Variants in KRTAP2-1 observed in about 807,000 individuals in gnomAD.
KRTAP2-1 encodes keratin associated protein 2-1.
A neutral mutation model predicts 11.6 loss-of-function variants in KRTAP2-1; 5 were observed. The ratio of observed to expected loss-of-function variants is 0.43; its 90% CI spans 0.22 to 0.90. The LOEUF is 0.90. Among genes scored for constraint, KRTAP2-1 ranks in the 40% least tolerant of loss-of-function variants. KRTAP2-1 has a pLI of 0.26. For missense variants in KRTAP2-1, 40 were observed against 191.3 expected (o/e 0.21, Z 4.67); for synonymous variants, 19 against 81.9 (o/e 0.23, Z 4.15).
Position 41,046,628 on chromosome 17 carries a change from T to C in KRTAP2-1, c.*253A>G. 1 of 990,442 alleles carries C rather than the reference T, an allele frequency of 1.0e-6. No homozygotes were observed. Among genetic ancestry groups the C allele is most frequent in the Non-Finnish European group, 1.4e-6 (1 of 703,392 alleles). The allele number at this position is 990,442 out of a possible 1,614,324, so 61.4% of individuals were successfully genotyped here. On this transcript the variant is annotated 3_prime_UTR_variant, in exon 1 of 1. Transcript: ENST00000391419. Reference sequence around the variant, plus strand: ...GAAGGAAATTGCTTCTTTTACAGACTTCAGAATGGCCCAGGTCTTAATAGA... The same window carrying C: ...GAAGGAAATTGCTTCTTTTACAGACCTCAGAATGGCCCAGGTCTTAATAGA...
Position 41,046,671 on chromosome 17 carries a change from T to G in KRTAP2-1, c.*210A>C. 1 of 1,379,028 alleles carries G rather than the reference T, an allele frequency of 7.3e-7. No individual in the cohort carries two copies. The highest frequency in any genetic ancestry group is 9.7e-7 in the Non-Finnish European group (1 of 1,032,592). 85.4% of individuals were successfully genotyped at this position (1,379,028 alleles called of 1,614,324 possible). On this transcript the variant is annotated 3_prime_UTR_variant, in exon 1 of 1. Coordinates refer to ENST00000391419, the MANE Select transcript of KRTAP2-1 (RefSeq NM_001123387.1). ...TTAATAGATGAGCCCAGTGCTCGGT[T>G]CCCTGCTTGGTTGATGTGGGGTTTT...
In KRTAP2-1 at chr17:41,047,238, G is replaced by A. The variant is rs6503578; in HGVS notation, c.30C>T (p.Phe10=). The A allele has an allele frequency of 1.4e-6, 2 of 1,404,286 alleles. No individual in the cohort carries two copies. Among genetic ancestry groups the A allele is most frequent in the Non-Finnish European group, 1.9e-6 (2 of 1,074,194 alleles). 87.0% of individuals were successfully genotyped at this position (1,404,286 alleles called of 1,614,324 possible). A position where few individuals can be genotyped will look rare whatever the true frequency, so the allele number is the denominator to read the frequency against. The change falls in exon 1 of 1, where the codon TTC becomes TTT. Residue 10 remains phenylalanine, a synonymous_variant. Transcript: ENST00000391419. ...AGCCTCCCCCGTAGCTCAGGGAGGA[G>A]AAGGTGGAGCCGCAGCAGGAGCCGG... is the stretch of plus-strand genomic sequence containing the variant. MTGSCCGST[F]SSLSYGGGCC...
chr17:41,046,684 G>T lies in KRTAP2-1; in HGVS notation c.*197C>A. The T allele has an allele frequency of 7.0e-7, 1 of 1,428,684 alleles. No homozygotes were observed. The highest frequency in any genetic ancestry group is 9.3e-7 in the Non-Finnish European group (1 of 1,073,998). 88.5% of individuals were successfully genotyped at this position (1,428,684 alleles called of 1,614,324 possible). On this transcript the variant is annotated 3_prime_UTR_variant, in exon 1 of 1. Coordinates refer to ENST00000391419, the MANE Select transcript of KRTAP2-1 (RefSeq NM_001123387.1). ...CCAGTGCTCGGTTCCCTGCTTGGTTGATGTGGGGTTTTGTGGGCTCAGGGC... is the reference window on the plus strand; with the variant it reads ...CCAGTGCTCGGTTCCCTGCTTGGTTTATGTGGGGTTTTGTGGGCTCAGGGC...
Position 41,046,711 on chromosome 17 carries a change from G to A in KRTAP2-1, c.*170C>T. ...TGTGGGGTTTTGTGGGCTCAGGGCA[G>A]GAGGTTTGTTAAAGTAGAGAAATGG... On this transcript the variant is annotated 3_prime_UTR_variant, in exon 1 of 1. Coordinates refer to ENST00000391419, the MANE Select transcript of KRTAP2-1 (RefSeq NM_001123387.1). 6.7e-7 allele frequency: 1 copy of A among 1,486,730 alleles called. No homozygotes were observed. Among genetic ancestry groups the A allele is most frequent in the South Asian group, 1.3e-5 (1 of 75,766 alleles). The allele number at this position is 1,486,730 out of a possible 1,614,324, so 92.1% of individuals were successfully genotyped here. A position where few individuals can be genotyped will look rare whatever the true frequency, so the allele number is the denominator to read the frequency against.
At position 41,046,564 on chromosome 17, in the gene KRTAP2-1, T is replaced by C; in HGVS notation, c.*317A>G. The C allele has an allele frequency of 1.7e-6, 1 of 575,774 alleles. No individual in the cohort carries two copies. Among genetic ancestry groups the C allele is most frequent in the East Asian group, 3.0e-5 (1 of 33,820 alleles). The allele number at this position is 575,774 out of a possible 1,614,324, so 35.7% of individuals were successfully genotyped here. ...TCTTTTTGCAAGGCCAAAGAACAGA[T>C]ATTTATTAGAAAATAAACATGCCAC... On this transcript the variant is annotated 3_prime_UTR_variant, in exon 1 of 1. Coordinates refer to ENST00000391419, the MANE Select transcript of KRTAP2-1 (RefSeq NM_001123387.1).
At position 41,046,605 on chromosome 17, in the gene KRTAP2-1, A is replaced by G; in HGVS notation, c.*276T>C. The G allele has an allele frequency of 1.4e-6, 1 of 738,438 alleles. No homozygotes were observed. The highest frequency in any genetic ancestry group is 2.0e-6 in the Non-Finnish European group (1 of 496,102). The allele number at this position is 738,438 out of a possible 1,614,324, so 45.7% of individuals were successfully genotyped here. ...AACATGCCACGAAATCTTAAGAAGA[A>G]GGAAATTGCTTCTTTTACAGACTTC... On this transcript the variant is annotated 3_prime_UTR_variant, in exon 1 of 1. Coordinates refer to ENST00000391419, the MANE Select transcript of KRTAP2-1 (RefSeq NM_001123387.1).
chr17:41,047,084 C>G lies in KRTAP2-1; in HGVS notation c.184G>C (p.Val62Leu), dbSNP rs2012858428. ...RPICEPCRRPVCCDPCSLQEG... is the reference protein window; with the variant it reads ...RPICEPCRRPLCCDPCSLQEG... ...TGCAGGGAGCAGGGGTCGCAGCACA[C>G]CGGGCGGCGGCAGGGCTCGCAGATG... The change falls in exon 1 of 1, where the codon GTG (valine) becomes CTG (leucine). Residue 62 changes from valine to leucine, a missense_variant. Physicochemically the swap from Val to Leu is conservative, Grantham distance 32 (BLOSUM62 1). Transcript: ENST00000391419. The G allele has an allele frequency of 7.4e-7, 1 of 1,353,316 alleles. No homozygotes were observed. Among genetic ancestry groups the G allele is most frequent in the African/African-American group, 1.5e-5 (1 of 68,600 alleles). The allele number at this position is 1,353,316 out of a possible 1,614,324, so 83.8% of individuals were successfully genotyped here.
Position 41,046,684 on chromosome 17 carries a change from G to C in KRTAP2-1, c.*197C>G. The C allele has an allele frequency of 1.4e-6, 2 of 1,428,694 alleles. No individual in the cohort carries two copies. Among genetic ancestry groups the C allele is most frequent in the Non-Finnish European group, 1.9e-6 (2 of 1,074,006 alleles). The allele number at this position is 1,428,694 out of a possible 1,614,324, so 88.5% of individuals were successfully genotyped here. On this transcript the variant is annotated 3_prime_UTR_variant, in exon 1 of 1. Coordinates refer to ENST00000391419, the MANE Select transcript of KRTAP2-1 (RefSeq NM_001123387.1). ...CCAGTGCTCGGTTCCCTGCTTGGTT[G>C]ATGTGGGGTTTTGTGGGCTCAGGGC... is the stretch of plus-strand genomic sequence containing the variant.
Position 41,047,313 on chromosome 17 carries a change from G to A in KRTAP2-1, c.-46C>T, listed in dbSNP as rs2012867039. 7.0e-7 allele frequency: 1 copy of A among 1,432,326 alleles called. No homozygotes were observed. Among genetic ancestry groups the A allele is most frequent in the African/African-American group, 1.5e-5 (1 of 67,584 alleles). 88.7% of individuals were successfully genotyped at this position (1,432,326 alleles called of 1,614,324 possible). The stretch of plus-strand genomic sequence containing the variant: ...TGGGTTGGGCTGTGGAGAGGAGCTG[G>A]ATGTTCTCAGGTGTGAATGTCCTCC... On this transcript the variant is annotated 5_prime_UTR_variant, in exon 1 of 1. Coordinates refer to ENST00000391419, the MANE Select transcript of KRTAP2-1 (RefSeq NM_001123387.1).
Position 41,046,858 on chromosome 17 carries a change from A to C in KRTAP2-1, c.*23T>G, listed in dbSNP as rs1214490975. On this transcript the variant is annotated 3_prime_UTR_variant, in exon 1 of 1. Coordinates refer to ENST00000391419, the MANE Select transcript of KRTAP2-1 (RefSeq NM_001123387.1). ...CTGGCCGCAGGGGGACTGCACAGACACAGGCTGGCAGCAGGTGGTGGCTCA... is the reference window on the plus strand; with the variant it reads ...CTGGCCGCAGGGGGACTGCACAGACCCAGGCTGGCAGCAGGTGGTGGCTCA... 6.5e-7 allele frequency: 1 copy of C among 1,548,836 alleles called. No homozygotes were observed.
chr17:41,047,191 C>T lies in KRTAP2-1; in HGVS notation c.77G>A (p.Arg26His), dbSNP rs1435167021. ...GGGCCQPCCC[R>H]DPCCCRPVTC... ...CACGGGGCGGCAGCAGCAGGGGTCG[C>T]GGCAGCAGCAGGGCTGGCAGCAGCC... Residue 26 changes from arginine (R) to histidine (H), a missense_variant, in exon 1 of 1, where the codon CGC becomes CAC. Physicochemically the swap from Arg to His is conservative, Grantham distance 29. Coordinates refer to ENST00000391419, the MANE Select transcript of KRTAP2-1 (RefSeq NM_001123387.1). 34 of 1,415,068 alleles carry T rather than the reference C, an allele frequency of 2.4e-5. No homozygotes were observed. The highest frequency in any genetic ancestry group is 8.8e-5 in the South Asian group (6 of 68,478). 87.7% of individuals were successfully genotyped at this position (1,415,068 alleles called of 1,614,324 possible). A position where few individuals can be genotyped will look rare whatever the true frequency, so the allele number is the denominator to read the frequency against.
chr17:41,046,691 G>A lies in KRTAP2-1; in HGVS notation c.*190C>T. ...TCGGTTCCCTGCTTGGTTGATGTGG[G>A]GTTTTGTGGGCTCAGGGCAGGAGGT... On this transcript the variant is annotated 3_prime_UTR_variant, in exon 1 of 1. Transcript: ENST00000391419. 4.1e-6 allele frequency: 6 copies of A among 1,449,166 alleles called. No individual in the cohort carries two copies. The highest frequency in any genetic ancestry group is 2.5e-5 in the East Asian group (1 of 40,106). 89.8% of individuals were successfully genotyped at this position (1,449,166 alleles called of 1,614,324 possible).
chr17:41,046,547 CA>C lies in KRTAP2-1; in HGVS notation c.*333del, dbSNP rs1251725537. 5.9e-6 allele frequency: 3 copies of C among 505,790 alleles called. No homozygotes were observed. In the East Asian group the frequency reaches 9.5e-5, roughly 16 times the overall value. The allele number at this position is 505,790 out of a possible 1,614,324, so 31.3% of individuals were successfully genotyped here. ...GAGTAAATAAAACCAAATCTTTTTGCAAGGCCAAAGAACAGATATTTATTAG... is the reference window on the plus strand; with the variant it reads ...GAGTAAATAAAACCAAATCTTTTTGCAGGCCAAAGAACAGATATTTATTAG... On this transcript the variant is annotated 3_prime_UTR_variant, in exon 1 of 1. Transcript: ENST00000391419.
rs908554703 is a variant in KRTAP2-1, at chr17:41,046,632, G to A, written c.*249C>T. The A allele has an allele frequency of 9.8e-7, 1 of 1,017,676 alleles. No homozygotes were observed. Among genetic ancestry groups the A allele is most frequent in the Admixed American group, 3.0e-5 (1 of 33,102 alleles). The allele number at this position is 1,017,676 out of a possible 1,614,324, so 63.0% of individuals were successfully genotyped here. On this transcript the variant is annotated 3_prime_UTR_variant, in exon 1 of 1. Coordinates refer to ENST00000391419, the MANE Select transcript of KRTAP2-1 (RefSeq NM_001123387.1). ...GAAATTGCTTCTTTTACAGACTTCA[G>A]AATGGCCCAGGTCTTAATAGATGAG...
Position 41,047,125 on chromosome 17 carries a change from G to C in KRTAP2-1, c.143C>G (p.Pro48Arg), listed in dbSNP as rs1000840289. ...TTVCRPVTCV[P>R]RCTRPICEPC... ...CTCGCAGATGGGGCGCGTGCAGCGGGGCACGCAGGTCACGGGGCGGCACAC... is the reference window on the plus strand; with the variant it reads ...CTCGCAGATGGGGCGCGTGCAGCGGCGCACGCAGGTCACGGGGCGGCACAC... Residue 48 changes from proline to arginine, a missense_variant, in exon 1 of 1, where the codon CCC (proline) becomes CGC (arginine). Coordinates refer to ENST00000391419, the MANE Select transcript of KRTAP2-1 (RefSeq NM_001123387.1). The C allele has an allele frequency of 1.5e-6, 2 of 1,345,196 alleles. No homozygotes were observed. The highest frequency in any genetic ancestry group is 2.9e-5 in the African/African-American group (2 of 67,820). 83.3% of individuals were successfully genotyped at this position (1,345,196 alleles called of 1,614,324 possible). A position where few individuals can be genotyped will look rare whatever the true frequency, so the allele number is the denominator to read the frequency against.
rs1340246854 is a variant in KRTAP2-1, at chr17:41,046,830, C to G, written c.*51G>C. ...TCCTGCAGGTGGTGCTGCAAGGGGT[C>G]GGCTGGCCGCAGGGGGACTGCACAG... On this transcript the variant is annotated 3_prime_UTR_variant, in exon 1 of 1. Transcript: ENST00000391419. 25 of 1,545,708 alleles carry G rather than the reference C, an allele frequency of 1.6e-5. No individual in the cohort carries two copies. The highest frequency in any genetic ancestry group is 2.1e-5 in the Non-Finnish European group (24 of 1,147,594).
In KRTAP2-1 at chr17:41,046,655, G is replaced by T; in HGVS notation, c.*226C>A. On this transcript the variant is annotated 3_prime_UTR_variant, in exon 1 of 1. Transcript: ENST00000391419. ...CAGAATGGCCCAGGTCTTAATAGAT[G>T]AGCCCAGTGCTCGGTTCCCTGCTTG... 1 of 1,239,440 alleles carries T rather than the reference G, an allele frequency of 8.1e-7. No homozygotes were observed. The highest frequency in any genetic ancestry group is 1.1e-6 in the Non-Finnish European group (1 of 915,138). The allele number at this position is 1,239,440 out of a possible 1,614,324, so 76.8% of individuals were successfully genotyped here.
chr17:41,046,715 G>A lies in KRTAP2-1; in HGVS notation c.*166C>T. The A allele has an allele frequency of 6.7e-7, 1 of 1,490,266 alleles. No homozygotes were observed. The highest frequency in any genetic ancestry group is 1.3e-5 in the South Asian group (1 of 76,218). The allele number at this position is 1,490,266 out of a possible 1,614,324, so 92.3% of individuals were successfully genotyped here. A position where few individuals can be genotyped will look rare whatever the true frequency, so the allele number is the denominator to read the frequency against. The stretch of plus-strand genomic sequence containing the variant: ...GGGTTTTGTGGGCTCAGGGCAGGAG[G>A]TTTGTTAAAGTAGAGAAATGGGAGT... On this transcript the variant is annotated 3_prime_UTR_variant, in exon 1 of 1. Transcript: ENST00000391419.
In KRTAP2-1 at chr17:41,046,739, G is replaced by A. The variant is rs1159914073; in HGVS notation, c.*142C>T. The A allele has an allele frequency of 2.0e-6, 3 of 1,511,086 alleles. No homozygotes were observed. Among genetic ancestry groups the A allele is most frequent in the African/African-American group, 2.8e-5 (2 of 72,644 alleles). 93.6% of individuals were successfully genotyped at this position (1,511,086 alleles called of 1,614,324 possible). A position where few individuals can be genotyped will look rare whatever the true frequency, so the allele number is the denominator to read the frequency against. On this transcript the variant is annotated 3_prime_UTR_variant, in exon 1 of 1. Transcript: ENST00000391419. ...GGTTTGTTAAAGTAGAGAAATGGGA[G>A]TGTGACTTTTTCAGAAGGTGAGTTA...
Sources: allele counts gnomAD v4.1 joint callset, GRCh38; gene constraint gnomAD v4.1.1; transcripts MANE v1.5; gene names NCBI Gene and HGNC (gene_info 2026-07-23, HGNC 2026-07-21).